PPP1R21: variants seen among roughly 807,000 people sequenced by gnomAD.
The protein encoded by PPP1R21 is protein phosphatase 1 regulatory subunit 21, also known as KLRAQ motif containing 1.
In PPP1R21, 85 loss-of-function variants were observed where a neutral mutation model predicts 112.8. The observed-to-expected ratio is 0.75, with a 90% CI of 0.63 to 0.90. The LOEUF (loss-of-function observed/expected upper bound fraction) is 0.90, where lower values mean the gene tolerates loss of function less well. Ranked by LOEUF, PPP1R21 falls within the 40% of genes least tolerant of loss-of-function variation. The pLI, the probability that PPP1R21 is intolerant of heterozygous loss-of-function variation, is 0.00. For synonymous variants in PPP1R21, 381 were observed against 322.3 expected (o/e 1.18, Z -1.95); for missense variants, 1,199 against 901.5 (o/e 1.33, Z -4.23).
intron 1 of PPP1R21, among the ~76,000 whole-genome samples, chr2:48,447,523 T>G (rs1357810678): frequency 6.6e-6 from 1 of 152,184 alleles, no homozygotes; most frequent in Non-Finnish European, 1.5e-5. Flanking sequence ...TCATATGCAT[T>G]GGTGTCTCCA....
At chr2:48,461,485 C>T (rs569302140) in intron 7 of PPP1R21, among the ~76,000 whole-genome samples, 3 of 152,110 alleles carry the variant, frequency 2.0e-5, no homozygotes, top group Non-Finnish European at 4.4e-5. Flanking sequence ...ATGTATTTAG[C>T]ATTTTCCAAG....
At chr2:48,484,135 T>C (rs1017256554) in intron 13 of PPP1R21, among the ~76,000 whole-genome samples, 1 of 152,192 alleles carries the variant, frequency 6.6e-6, no homozygotes, top group Non-Finnish European at 1.5e-5. Context: ...CCCCAAGATA[T>C]AAGCCCTGCG....
Position 48,460,151 on chromosome 2 carries a change from A to G in PPP1R21, c.597A>G (p.Glu199=), listed in dbSNP as rs1355811757. 1 of 1,614,146 alleles carries G rather than the reference A, an allele frequency of 6.2e-7. No individual in the cohort carries two copies. Among genetic ancestry groups the G allele is most frequent in the Non-Finnish European group, 8.5e-7 (1 of 1,179,998 alleles). ...AGGAATGTCGACTTCGAACGGAAGA[A>G]TGGTATGTGGAAACTTGAATTCCAA... ...EAKECRLRTE[E]CQLQLKTLHE... Residue 199 remains glutamate, a splice_region_variant and synonymous_variant, in exon 6 of 22, where the codon GAA becomes GAG. Transcript: ENST00000294952.
chr2:48,470,786 C>T lies in PPP1R21; in HGVS notation c.898-301C>T, dbSNP rs546525201. On this transcript the variant is annotated intron_variant, in intron 9 of 21. Transcript: ENST00000294952. ...GTCCTAGGTTCTAATGCAGTATTCG[C>T]TCCCTATTTCCTCTGATGCCTGGTT... is the stretch of plus-strand genomic sequence containing the variant. Among the ~76,000 whole-genome samples the T allele has an allele frequency of 7.2e-5, 11 of 152,276 alleles. No homozygotes were observed. The South Asian group carries it at 2.1e-3, about 29-fold the overall frequency.
At chr2:48,509,969 T>G (rs1273168539) in intron 19 of PPP1R21, 46 bp from the exon 20 acceptor site, 2 of 1,479,386 alleles carry the variant, frequency 1.4e-6, no homozygotes, top group East Asian at 2.3e-5. Flanking sequence ...AAATTTGGTT[T>G]TAGAAAGTGC....
At chr2:48,495,859 C>A in intron 16 of PPP1R21, 88 bp downstream of exon 16, 1 of 736,358 alleles carries the variant, frequency 1.4e-6, no homozygotes, top group South Asian at 1.5e-5. Context: ...TAGAATGATT[C>A]AAAAGTCTGC....
chr2:48,455,142 A>ATTT (rs767494556), intron 3 of PPP1R21, among the ~76,000 whole-genome samples: 48 of 117,002 alleles, frequency 4.1e-4, no homozygotes, highest in South Asian at 2.6e-3. Flanking sequence ...CCGGCCCTGA[A>ATTT]TTTTTTTTTT....
chr2:48,502,987 T>G (rs191694027), intron 17 of PPP1R21, among the ~76,000 whole-genome samples: 33 of 152,224 alleles, frequency 2.2e-4, no homozygotes, highest in Middle Eastern at 3.4e-3. Flanking sequence ...GCCTAGAAAC[T>G]TATTTCTAAC....
At chr2:48,441,546 G>C (rs981908595) in intron 1 of PPP1R21, 1 of 170,590 alleles carries the variant, frequency 5.9e-6, no homozygotes, top group Non-Finnish European at 1.3e-5. Flanking sequence ...TTGGCAAGAG[G>C]TTGTCAGGAA....
At chr2:48,468,985 G>A (rs1668333140) in intron 9 of PPP1R21, among the ~76,000 whole-genome samples, 2 of 151,946 alleles carry the variant, frequency 1.3e-5, no homozygotes, top group Admixed American at 6.6e-5. Context: ...CCACATGGCT[G>A]GGGAGGCCTC....
intron 9 of PPP1R21, among the ~76,000 whole-genome samples, chr2:48,466,235 G>A (rs1395774622): frequency 6.6e-6 from 1 of 150,522 alleles, no homozygotes; most frequent in East Asian, 1.9e-4. Context: ...TTTTTGAGGT[G>A]GAGTCTCGCT....
chr2:48,440,935 G>T lies in PPP1R21; in HGVS notation c.-19G>T. On this transcript the variant is annotated 5_prime_UTR_variant, in exon 1 of 22. Coordinates refer to ENST00000294952, the MANE Select transcript of PPP1R21 (RefSeq NM_001135629.3). ...CTGAGCCGCCTGGGCGGCCTGGCCT[G>T]TACGGGGCGGGGGAGGCCATGGCCT... is the stretch of plus-strand genomic sequence containing the variant. 1 of 1,353,424 alleles carries T rather than the reference G, an allele frequency of 7.4e-7. No homozygotes were observed. Among genetic ancestry groups the T allele is most frequent in the Non-Finnish European group, 1.0e-6 (1 of 972,956 alleles). The allele number at this position is 1,353,424 out of a possible 1,614,324, so 83.8% of individuals were successfully genotyped here.
At chr2:48,472,100 C>A (rs1008429955) in intron 11 of PPP1R21, among the ~76,000 whole-genome samples, 1 of 151,530 alleles carries the variant, frequency 6.6e-6, no homozygotes, top group African/African-American at 2.4e-5. Flanking sequence ...ATTAGCCGGG[C>A]GTTGTGGTGC....
At chr2:48,451,930 C>T (rs1419513602) in intron 2 of PPP1R21, among the ~76,000 whole-genome samples, 2 of 152,140 alleles carry the variant, frequency 1.3e-5, no homozygotes, top group South Asian at 2.1e-4. Context: ...TTGTTGGATC[C>T]TACAGGAGAG....
rs762231386 is a variant in PPP1R21, at chr2:48,504,227, A to G, written c.1936-1337A>G. ...AGAAAAATTATGGCTCTTCTATTTTAAAAGTTCTTATCAAAGACTCTTTTA... is the reference window on the plus strand; with the variant it reads ...AGAAAAATTATGGCTCTTCTATTTTGAAAGTTCTTATCAAAGACTCTTTTA... On this transcript the variant is annotated intron_variant, in intron 17 of 21. Coordinates refer to ENST00000294952, the MANE Select transcript of PPP1R21 (RefSeq NM_001135629.3). 4.6e-5 allele frequency among the ~76,000 whole-genome samples: 7 copies of G among 152,232 alleles called. No homozygotes were observed. In the South Asian group the frequency reaches 6.2e-4, roughly 14 times the overall value.
At position 48,464,510 on chromosome 2, in the gene PPP1R21, G is replaced by A. The variant is rs1162794531; in HGVS notation, c.695-427G>A. On this transcript the variant is annotated intron_variant, in intron 7 of 21. Coordinates refer to ENST00000294952, the MANE Select transcript of PPP1R21 (RefSeq NM_001135629.3). ...GGATTGAGTCATTGGGATCCACAGT[G>A]GCAGACAGTGATAGATTTTTCCGGT... Among the ~76,000 whole-genome samples, 4 of 152,280 alleles carry A rather than the reference G, an allele frequency of 2.6e-5. No individual in the cohort carries two copies. The East Asian group carries it at 7.7e-4, about 29-fold the overall frequency.
In PPP1R21 at chr2:48,493,962, C is replaced by G. The variant is rs188114274; in HGVS notation, c.1600-1717C>G. On this transcript the variant is annotated intron_variant, in intron 15 of 21. Transcript: ENST00000294952. ...TGCAGCCGGGTGCAGTGGCTCATGCCTGTAATCCCGACACTTTGGGATGCC... is the reference window on the plus strand; with the variant it reads ...TGCAGCCGGGTGCAGTGGCTCATGCGTGTAATCCCGACACTTTGGGATGCC... 3.0e-3 allele frequency among the ~76,000 whole-genome samples: 442 copies of G among 149,608 alleles called. 6 individuals carry two copies. Among genetic ancestry groups the G allele is most frequent in the African/African-American group, 0.01 (421 of 40,684 alleles).
intron 7 of PPP1R21, among the ~76,000 whole-genome samples, chr2:48,461,933 GA>G (rs994980288): frequency 4.0e-5 from 6 of 150,352 alleles, no homozygotes; most frequent in South Asian, 2.1e-4. Context: ...AAAAGAGGAA[GA>G]AAAAAAAAGA....
intron 12 of PPP1R21, 99 bp downstream of exon 12, chr2:48,474,918 A>G (rs1236743413): frequency 6.0e-6 from 6 of 1,004,044 alleles, no homozygotes; most frequent in Non-Finnish European, 8.8e-6. Context: ...AGAGGAGCAT[A>G]GGATCTGGCA....
Sources: gnomAD v4.1 joint callset for allele counts (sites outside exome capture counted in the v4.1 genomes callset) on GRCh38, gnomAD v4.1.1 for gene constraint, MANE v1.5 for transcripts, NCBI Gene and HGNC (gene_info 2026-07-23, HGNC 2026-07-21) for gene names.